The following VAT1 variants were observed in gnomAD, a reference collection of about 807,000 sequenced individuals.
The protein encoded by VAT1 is NADPH-dependent quinone oxidoreductase VAT1.
VAT1 carries 24 observed loss-of-function variants against 33.3 expected under a neutral mutation model. That is an observed-to-expected ratio of 0.72 (90% CI 0.52 to 1.01). VAT1 has a LOEUF of 1.01. Ranked by LOEUF, VAT1 falls within the 50% of genes least tolerant of loss-of-function variation. VAT1 has a pLI of 0.00. For synonymous variants in VAT1, 212 were observed against 225.0 expected, an observed-to-expected ratio of 0.94 and a Z score of 0.52; for missense variants, 436 against 533.7, an observed-to-expected ratio of 0.82 and a Z score of 1.80.
chr17:43,018,268 C>T (rs1019552747), intron 2 of VAT1, 62 bp from the exon 3 acceptor site: 1 of 1,550,362 alleles, frequency 6.5e-7, no homozygotes. Context: ...CCACTCCATT[C>T]TAGCCTCCCA....
Position 43,018,626 on chromosome 17 carries a change from C to A in VAT1, c.561G>T (p.Gln187His), listed in dbSNP as rs1567746713. Reference sequence around the variant, plus strand: ...TGTGTACCAAGACGCTGTGGCCAGGCTGTAGGTTGCCGAAGTCAAAGAGGA... The same window carrying A: ...TGTGTACCAAGACGCTGTGGCCAGGATGTAGGTTGCCGAAGTCAAAGAGGA... ...YMVLFDFGNLQPGHSVLVHMA... is the reference protein window; with the variant it reads ...YMVLFDFGNLHPGHSVLVHMA... The change falls in exon 2 of 6, where the codon CAG (glutamine) becomes CAT (histidine). Residue 187 changes from glutamine to histidine, a missense_variant. Gln to His is a conservative substitution (Grantham distance 24). Transcript: ENST00000355653. 1.9e-6 allele frequency: 3 copies of A among 1,613,888 alleles called. No homozygotes were observed. Among genetic ancestry groups the A allele is most frequent in the African/African-American group, 1.3e-5 (1 of 74,890 alleles).
intron 1 of VAT1, chr17:43,019,374 A>G (rs2050547004): frequency 6.6e-6 from 1 of 152,560 alleles, no homozygotes; most frequent in Admixed American, 6.5e-5. Context: ...GTTAGCTAAC[A>G]ATAATAATAA....
Position 43,021,500 on chromosome 17 carries a change from C to A in VAT1, c.387+436G>T, listed in dbSNP as rs182809592. ...CCCCCGCCCAACCCCGACGACATAGCCCCTCAAGCTCCCTCGGGGAAAGGG... is the reference window on the plus strand; with the variant it reads ...CCCCCGCCCAACCCCGACGACATAGACCCTCAAGCTCCCTCGGGGAAAGGG... On this transcript the variant is annotated intron_variant, in intron 1 of 5. Transcript: ENST00000355653. 2.6e-5 allele frequency among the ~76,000 whole-genome samples: 4 copies of A among 152,154 alleles called. No homozygotes were observed. The East Asian group carries it at 7.8e-4, about 29-fold the overall frequency.
intron 2 of VAT1, 53 bp from the exon 3 acceptor site, chr17:43,018,259 C>G (rs1258246039): frequency 6.4e-7 from 1 of 1,567,308 alleles, no homozygotes; most frequent in Non-Finnish European, 8.7e-7. Flanking sequence ...GGCCACCAAC[C>G]ACTCCATTCT....
At chr17:43,016,579 C>G (rs759096895) in intron 4 of VAT1, 31 bp from the exon 5 acceptor site, 5 of 1,606,940 alleles carry the variant, frequency 3.1e-6, no homozygotes, top group African/African-American at 1.3e-5. Flanking sequence ...GCCTGTGAAC[C>G]CCCCCAGGCA....
chr17:43,017,211 T>C (rs1392760970), intron 4 of VAT1, among the ~76,000 whole-genome samples: 1 of 146,216 alleles, frequency 6.8e-6, no homozygotes, highest in African/African-American at 2.5e-5. Context: ...TAAATGAAAA[T>C]GCACCCTGCC....
chr17:43,017,960 A>T (rs773992083), intron 3 of VAT1, 30 bp from the exon 4 acceptor site: 2 of 1,613,720 alleles, frequency 1.2e-6, no homozygotes, highest in South Asian at 1.1e-5. Flanking sequence ...CCCAAGAACA[A>T]CATTAGGATC....
chr17:43,019,102 A>G (rs536733702), intron 1 of VAT1: 1 of 398,430 alleles, frequency 2.5e-6, no homozygotes, highest in Non-Finnish European at 4.6e-6. Context: ...CTTACATGTC[A>G]CTATTGTGTA....
Position 43,022,060 on chromosome 17 carries a change from A to G in VAT1, c.263T>C (p.Leu88Pro), listed in dbSNP as rs529256421. ...QLTLRLRACG[L>P]NFADLMARQG... ...CCTAGCCATGAGGTCTGCGAAGTTG[A>G]GCCCGCAGGCCCGCAGACGCAGCGT... The change falls in exon 1 of 6, where the codon CTC (leucine) becomes CCC (proline). Residue 88 changes from leucine (L) to proline (P), a missense_variant. This residue lies in a region of VAT1 where 154 missense variants were observed against 128.3 expected (regional missense o/e 1.20). Coordinates refer to ENST00000355653, the MANE Select transcript of VAT1 (RefSeq NM_006373.4). 2.5e-6 allele frequency: 4 copies of G among 1,604,052 alleles called. No homozygotes were observed. The South Asian group carries it at 4.5e-5, about 18-fold the overall frequency.
chr17:43,017,270 A>G (rs1452502852), intron 4 of VAT1, among the ~76,000 whole-genome samples: 1 of 150,800 alleles, frequency 6.6e-6, no homozygotes, highest in African/African-American at 2.4e-5. Flanking sequence ...TGGTTGTTCA[A>G]GAATAATCCC....
At chr17:43,021,518 G>A (rs1214481597) in intron 1 of VAT1, among the ~76,000 whole-genome samples, 1 of 151,280 alleles carries the variant, frequency 6.6e-6, no homozygotes, top group Non-Finnish European at 1.5e-5. Flanking sequence ...GCTCCCTCGG[G>A]GAAAGGGGGC....
In VAT1 at chr17:43,020,506, A is replaced by G. The variant is rs140308604; in HGVS notation, c.387+1430T>C. On this transcript the variant is annotated intron_variant, in intron 1 of 5. Transcript: ENST00000355653. ...TTTGCATACAGGATGAATCCAACAA[A>G]CCTGGCTCCAGAATTGGGCTGGCAG... Among the ~76,000 whole-genome samples, 229 of 152,170 alleles carry G rather than the reference A, an allele frequency of 1.5e-3. 2 individuals carry two copies. Among genetic ancestry groups the G allele is most frequent in the African/African-American group, 5.2e-3 (217 of 41,508 alleles).
Position 43,015,715 on chromosome 17 carries a change from A to G in VAT1, c.*346T>C. ...CGGGGCAGGGACGGGAGGAAAGATG[A>G]GGCAGAGGTGAAAGCACATGGAACA... On this transcript the variant is annotated 3_prime_UTR_variant, in exon 6 of 6. Transcript: ENST00000355653. 3.2e-6 allele frequency: 1 copy of G among 313,758 alleles called. No individual in the cohort carries two copies. The highest frequency in any genetic ancestry group is 6.0e-6 in the Non-Finnish European group (1 of 167,768). 19.4% of individuals were successfully genotyped at this position (313,758 alleles called of 1,614,324 possible).
intron 1 of VAT1, among the ~76,000 whole-genome samples, chr17:43,020,874 T>TAAAAAAAAAAAAAAAAA (rs57324710): frequency 6.0e-5 from 6 of 100,088 alleles, no homozygotes; most frequent in East Asian, 2.7e-4. Flanking sequence ...AAACTCCGTC[T>TAAAAAAAAAAAAAAAAA]AAAAAAAAAA....
At chr17:43,020,668 G>T (rs536122293) in intron 1 of VAT1, among the ~76,000 whole-genome samples, 19 of 151,960 alleles carry the variant, frequency 1.3e-4, no homozygotes, top group African/African-American at 4.3e-4. Context: ...ACCTGAGGTC[G>T]GGAGTTCGAG....
intron 1 of VAT1, among the ~76,000 whole-genome samples, chr17:43,021,704 G>C (rs1283269759): frequency 6.6e-6 from 1 of 151,980 alleles, no homozygotes; most frequent in Admixed American, 6.5e-5. Flanking sequence ...TCTGGGCGGC[G>C]GCCACAACTA....
In VAT1 at chr17:43,021,871, G is replaced by A; in HGVS notation, c.387+65C>T. The A allele has an allele frequency of 8.9e-6, 14 of 1,577,488 alleles. No individual in the cohort carries two copies. In the South Asian group the frequency reaches 1.4e-4, roughly 15 times the overall value. On this transcript the variant is annotated intron_variant, in intron 1 of 5. Transcript: ENST00000355653. Reference sequence around the variant, plus strand: ...CCGCCCTGCCACACCCCCGGCGCTCGCCCACTCGTGCCCCACTGCCCAGTG... The same window carrying A: ...CCGCCCTGCCACACCCCCGGCGCTCACCCACTCGTGCCCCACTGCCCAGTG...
intron 1 of VAT1, chr17:43,020,301 T>C (rs1049923520): frequency 1.0e-6 from 1 of 985,274 alleles, no homozygotes; most frequent in African/African-American, 1.7e-5. Context: ...TATCCTGTAT[T>C]TACCAGGCGG....
At position 43,016,455 on chromosome 17, in the gene VAT1, A is replaced by C. The variant is rs1251511192; in HGVS notation, c.950T>G (p.Leu317Arg). 1 of 1,614,234 alleles carries C rather than the reference A, an allele frequency of 6.2e-7. No individual in the cohort carries two copies. The highest frequency in any genetic ancestry group is 1.1e-5 in the South Asian group (1 of 91,082). ...NQFSVTALQLLQANRAVCGFH... is the reference protein window; with the variant it reads ...NQFSVTALQLRQANRAVCGFH... ...GCCACACACAGCCCGGTTGGCCTGC[A>C]GCAGCTGCAGAGCTGTCACGCTGAA... The change falls in exon 5 of 6, where the codon CTG becomes CGG. Residue 317 changes from leucine to arginine, a missense_variant. Coordinates refer to ENST00000355653, the MANE Select transcript of VAT1 (RefSeq NM_006373.4).
Sources: allele counts gnomAD v4.1 joint callset (sites outside exome capture counted in the v4.1 genomes callset), GRCh38; gene constraint gnomAD v4.1.1; regional missense constraint gnomAD v4.1.1; transcripts MANE v1.5; gene names NCBI Gene and HGNC (gene_info 2026-07-23, HGNC 2026-07-21).